The following TPR variants were observed in gnomAD, a reference collection of about 807,000 sequenced individuals.
TPR encodes translocated promoter region, nuclear basket protein.
A neutral mutation model predicts 316.1 loss-of-function variants in TPR; 51 were observed. The observed-to-expected ratio is 0.16, with a 90% CI of 0.13 to 0.20. The LOEUF (loss-of-function observed/expected upper bound fraction) is 0.20. TPR is among the 10% of genes least tolerant of loss of function. TPR has a pLI of 1.00. For missense variants in TPR, 2,272 were observed against 2,754.8 expected, an observed-to-expected ratio of 0.82 and a Z score of 3.92; for synonymous variants, 981 against 914.7, an observed-to-expected ratio of 1.07 and a Z score of -1.31.
chr1:186,312,408 A>C lies in TPR; in HGVS notation c.*1563T>G. On this transcript the variant is annotated 3_prime_UTR_variant, in exon 51 of 51. Coordinates refer to ENST00000367478, the MANE Select transcript of TPR (RefSeq NM_003292.3). ...TATTGTGTTAAAAAAATCCTTAAAC[A>C]TAAGTAGATGTAATACAGTTTCTTA... is the stretch of plus-strand genomic sequence containing the variant. 2 of 1,553,040 alleles carry C rather than the reference A, an allele frequency of 1.3e-6. No homozygotes were observed. The highest frequency in any genetic ancestry group is 8.8e-7 in the Non-Finnish European group (1 of 1,136,004).
intron 4 of TPR, 54 bp downstream of exon 4, chr1:186,367,832 T>G: frequency 7.4e-7 from 1 of 1,354,098 alleles, no homozygotes; most frequent in Non-Finnish European, 1.0e-6. Flanking sequence ...CTCCTAGCAC[T>G]AACAGAAGAA....
intron 18 of TPR, 84 bp from the exon 19 acceptor site, chr1:186,352,194 A>C: frequency 3.8e-6 from 5 of 1,311,542 alleles, no homozygotes; most frequent in Non-Finnish European, 5.1e-6. Flanking sequence ...AATGATTCAT[A>C]CATCACTACT....
chr1:186,369,779 G>C (rs1263346494), intron 3 of TPR, among the ~76,000 whole-genome samples: 1 of 152,000 alleles, frequency 6.6e-6, no homozygotes, highest in African/African-American at 2.4e-5. Flanking sequence ...GTACTATACT[G>C]AATACAAGTG....
At chr1:186,336,930 A>G in intron 32 of TPR, 83 bp downstream of exon 32, 2 of 1,575,856 alleles carry the variant, frequency 1.3e-6, no homozygotes, top group Non-Finnish European at 1.7e-6. Context: ...CCACATGGTA[A>G]GACAAAGTGT....
Position 186,318,781 on chromosome 1 carries a change from A to T in TPR, c.6616T>A (p.Ser2206Thr). The T allele has an allele frequency of 6.2e-7, 1 of 1,614,112 alleles. No homozygotes were observed. The highest frequency in any genetic ancestry group is 1.1e-5 in the South Asian group (1 of 91,084). Residue 2206 changes from serine (S) to threonine (T), a missense_variant, in exon 47 of 51, where the codon TCA (serine) becomes ACA (threonine). Physicochemically the swap from Ser to Thr is moderately conservative, Grantham distance 58. Coordinates refer to ENST00000367478, the MANE Select transcript of TPR (RefSeq NM_003292.3). Reference protein sequence around the residue: ...TPLFLAHEEESGGRSVPTTPL... With the variant: ...TPLFLAHEEETGGRSVPTTPL... The stretch of plus-strand genomic sequence containing the variant: ...GTAGTGGGAACACTTCGGCCACCTG[A>T]CTCTTCTTCATGAGCTAGGAACAGG...
chr1:186,355,919 A>C, intron 15 of TPR, 151 bp from the exon 16 acceptor site: 1 of 959,624 alleles, frequency 1.0e-6, no homozygotes, highest in Non-Finnish European at 1.5e-6. Flanking sequence ...TAAATAAGGA[A>C]TCTACTAAAC....
chr1:186,325,935 A>C (rs1657918912), intron 41 of TPR, 81 bp from the exon 42 acceptor site: 2 of 1,564,098 alleles, frequency 1.3e-6, no homozygotes, highest in Non-Finnish European at 1.7e-6. Context: ...AACCAAACCA[A>C]ACCACAACAA....
chr1:186,364,470 T>C (rs1017999940), intron 4 of TPR, among the ~76,000 whole-genome samples: 6 of 152,104 alleles, frequency 3.9e-5, no homozygotes, highest in African/African-American at 1.4e-4. Flanking sequence ...TTCTGCAAAA[T>C]ACCTTCCTAT....
intron 7 of TPR, 46 bp from the exon 8 acceptor site, chr1:186,361,915 T>G: frequency 6.4e-7 from 1 of 1,565,192 alleles, no homozygotes; most frequent in East Asian, 2.3e-5. Context: ...GAACTAAATT[T>G]AGAATGCTTA....
At position 186,344,405 on chromosome 1, in the gene TPR, T is replaced by C. The variant is rs1314413708; in HGVS notation, c.3387A>G (p.Ala1129=). The change falls in exon 25 of 51, where the codon GCA becomes GCG. Residue 1129 remains alanine, a synonymous_variant. Transcript: ENST00000367478. The part of the protein sequence containing the change: ...KAESQLLECK[A]SWEERERMLK... ...ACATTCTCTCTCTTTCCTCCCAAGA[T>C]GCTTTACACTCCAACAACTGTGATT... 2 of 1,614,156 alleles carry C rather than the reference T, an allele frequency of 1.2e-6. No homozygotes were observed. The highest frequency in any genetic ancestry group is 1.7e-6 in the Non-Finnish European group (2 of 1,180,002).
At position 186,361,643 on chromosome 1, in the gene TPR, G is replaced by A. The variant is rs762147514; in HGVS notation, c.937C>T (p.Leu313Phe). 9.3e-6 allele frequency: 15 copies of A among 1,612,984 alleles called. No individual in the cohort carries two copies. The South Asian group carries it at 1.6e-4, about 18-fold the overall frequency. ...TTACCTTCACCAGCTTCTTTCAAAA[G>A]TTTGTGTAGTTCCTCTACTGCCCGG... is the stretch of plus-strand genomic sequence containing the variant. ...LTRAVEELHK[L>F]LKEAGEANKA... Residue 313 changes from leucine (L) to phenylalanine (F), a missense_variant, in exon 9 of 51, where the codon CTT becomes TTT. This residue lies in a region of TPR where 549 missense variants were observed against 598.6 expected (regional missense o/e 0.92). Coordinates refer to ENST00000367478, the MANE Select transcript of TPR (RefSeq NM_003292.3).
At position 186,359,849 on chromosome 1, in the gene TPR, C is replaced by A; in HGVS notation, c.1339G>T (p.Ala447Ser). Residue 447 changes from alanine (A) to serine (S), a missense_variant, in exon 12 of 51, where the codon GCA becomes TCA. Coordinates refer to ENST00000367478, the MANE Select transcript of TPR (RefSeq NM_003292.3). ...GATAAACTTGCTACAGCTTTCTGTG[C>A]ACGTTCATATTCCTCACGCTGGCGT... ...LKRQREEYER[A>S]QKAVASLSVK... The A allele has an allele frequency of 6.3e-7, 1 of 1,597,106 alleles. No homozygotes were observed. The highest frequency in any genetic ancestry group is 8.5e-7 in the Non-Finnish European group (1 of 1,175,804).
Position 186,320,357 on chromosome 1 carries a change from T to A in TPR, c.6523A>T (p.Thr2175Ser). ...RFGPPEDMPQ[T>S]SSSHSDLGQL... ...CCAAGATCAGAGTGACTAGAACTTG[T>A]TTGTGGCATATCTTCAGGTGGCCCA... is the stretch of plus-strand genomic sequence containing the variant. The change falls in exon 46 of 51, where the codon ACA becomes TCA. Residue 2175 changes from threonine to serine, a missense_variant. Thr to Ser is a moderately conservative substitution (Grantham distance 58, BLOSUM62 1). Coordinates refer to ENST00000367478, the MANE Select transcript of TPR (RefSeq NM_003292.3). 2 of 1,613,398 alleles carry A rather than the reference T, an allele frequency of 1.2e-6. No homozygotes were observed. Among genetic ancestry groups the A allele is most frequent in the South Asian group, 2.2e-5 (2 of 90,982 alleles).
Position 186,320,355 on chromosome 1 carries a change from T to C in TPR, c.6525A>G (p.Thr2175=). 4 of 1,613,380 alleles carry C rather than the reference T, an allele frequency of 2.5e-6. No homozygotes were observed. The African/African-American group carries it at 4.0e-5, about 16-fold the overall frequency. ...GGCCAAGATCAGAGTGACTAGAACTTGTTTGTGGCATATCTTCAGGTGGCC... is the reference window on the plus strand; with the variant it reads ...GGCCAAGATCAGAGTGACTAGAACTCGTTTGTGGCATATCTTCAGGTGGCC... ...RFGPPEDMPQ[T]SSSHSDLGQL... Residue 2175 remains threonine (T), a synonymous_variant, in exon 46 of 51, where the codon ACA becomes ACG. Coordinates refer to ENST00000367478, the MANE Select transcript of TPR (RefSeq NM_003292.3).
At chr1:186,348,899 T>C (rs1658762780) in intron 21 of TPR, among the ~76,000 whole-genome samples, 2 of 152,166 alleles carry the variant, frequency 1.3e-5, no homozygotes, top group African/African-American at 4.8e-5. Flanking sequence ...TATCACATGA[T>C]ATCAATAGGA....
At chr1:186,347,194 A>G in intron 22 of TPR, 98 bp downstream of exon 22, 1 of 1,317,078 alleles carries the variant, frequency 7.6e-7, no homozygotes, top group East Asian at 2.3e-5. Flanking sequence ...ACCCTGGTCT[A>G]ATTCATACGA....
At chr1:186,315,842 G>A (rs532404730) in intron 49 of TPR, among the ~76,000 whole-genome samples, 6 of 148,406 alleles carry the variant, frequency 4.0e-5, no homozygotes, top group Non-Finnish European at 8.9e-5. Flanking sequence ...CTGCCTTATG[G>A]ACTTGGCATC....
intron 48 of TPR, among the ~76,000 whole-genome samples, 167 bp from the exon 49 acceptor site, chr1:186,317,767 G>T (rs920833573): frequency 6.6e-6 from 1 of 152,148 alleles, no homozygotes; most frequent in Non-Finnish European, 1.5e-5. Flanking sequence ...GAGCAGGGGG[G>T]AAAAGAGCTC....
In TPR at chr1:186,323,761, C is replaced by A. The variant is rs573625428; in HGVS notation, c.6222G>T (p.Pro2074=). 29 of 1,539,792 alleles carry A rather than the reference C, an allele frequency of 1.9e-5. No individual in the cohort carries two copies. Among genetic ancestry groups the A allele is most frequent in the African/African-American group, 8.7e-5 (6 of 69,118 alleles). The change falls in exon 43 of 51, where the codon CCG becomes CCT. Residue 2074 remains proline, a synonymous_variant. Transcript: ENST00000367478. The stretch of plus-strand genomic sequence containing the variant: ...GGGGAAGTGGATGTGGTGGGCGTCT[C>A]GGTGACTGAGGTGCTCGAGGGGCCT... ...ERQAPRAPQS[P]RRPPHPLPPR...
Sources: gnomAD v4.1 joint callset for allele counts (sites outside exome capture counted in the v4.1 genomes callset) on GRCh38, gnomAD v4.1.1 for gene constraint, gnomAD v4.1.1 regional missense constraint, MANE v1.5 for transcripts, NCBI Gene and HGNC (gene_info 2026-07-23, HGNC 2026-07-21) for gene names.